The following TIAM1 variants were observed in gnomAD, a reference collection of about 807,000 sequenced individuals.
TIAM1 encodes the protein TIAM Rac1 associated GEF 1.
In TIAM1, 65 loss-of-function variants were observed where a neutral mutation model predicts 163.5. That is an observed-to-expected ratio of 0.40 (90% CI 0.33 to 0.49). The LOEUF (loss-of-function observed/expected upper bound fraction) is 0.49. Among genes scored for constraint, TIAM1 ranks in the 20% least tolerant of loss-of-function variants. The pLI, the probability that TIAM1 is intolerant of heterozygous loss-of-function variation, is 0.77. For synonymous variants in TIAM1, 833 were observed against 810.1 expected (o/e 1.03, Z -0.48); for missense variants, 1,789 against 2,044.7 (o/e 0.87, Z 2.41).
rs539374997 is a variant in TIAM1 at position 31,307,435 on chromosome 21, C to A, written c.-188-30527G>T. Among the ~76,000 whole-genome samples the A allele has an allele frequency of 7.9e-5, 12 of 152,240 alleles. No individual in the cohort carries two copies. In the South Asian group the frequency reaches 2.3e-3, roughly 29 times the overall value. On this transcript the variant is annotated intron_variant, in intron 2 of 27. Coordinates refer to ENST00000541036, the MANE Select transcript of TIAM1 (RefSeq NM_001353694.2). ...GAGTCCCAGGACACCATCCAGAACA[C>A]GGCCAGAACTAAGGAACCAAATAGG... is the stretch of plus-strand genomic sequence containing the variant.
At chr21:31,343,083 T>C (rs1369361889) in intron 1 of TIAM1, among the ~76,000 whole-genome samples, 2 of 152,220 alleles carry the variant, frequency 1.3e-5, no homozygotes, top group African/African-American at 2.4e-5. Context: ...CACCTTCATT[T>C]CTTCCCCTCA....
In TIAM1 at chr21:31,395,070, T is replaced by C. The variant is rs1364047054; in HGVS notation, c.-368-55648A>G. ...CTGGCCAACACAGTGAAACCCCGTA[T>C]CTACCAAAAATACAAACATTAGCCA... On this transcript the variant is annotated intron_variant, in intron 2 of 28. Transcript: ENST00000286827. This position sits in a 1 kb window ranked among gnomAD's most constrained non-coding sequence, Gnocchi z 7.5. 6.6e-6 allele frequency among the ~76,000 whole-genome samples: 1 copy of C among 151,948 alleles called. No homozygotes were observed. The highest frequency in any genetic ancestry group is 1.5e-5 in the Non-Finnish European group (1 of 67,986).
chr21:31,502,406 G>A (rs1360338277), intron 1 of TIAM1, among the ~76,000 whole-genome samples: 1 of 152,132 alleles, frequency 6.6e-6, no homozygotes, highest in Non-Finnish European at 1.5e-5. Context: ...CCAAGTGGCT[G>A]GGATTACAGG....
chr21:31,254,681 C>T (rs2071994993), intron 4 of TIAM1, among the ~76,000 whole-genome samples: 1 of 151,738 alleles, frequency 6.6e-6, no homozygotes, highest in Admixed American at 6.6e-5. Context: ...GCCTGGGCAA[C>T]AGAGAGAGAG....
chr21:31,523,351 G>C (rs148956401), intron 1 of TIAM1, among the ~76,000 whole-genome samples: 2 of 152,262 alleles, frequency 1.3e-5, no homozygotes, highest in African/African-American at 4.8e-5. Context: ...ACAACACAAT[G>C]ATTTTATATA....
At chr21:31,448,519 T>C (rs1186447047) in intron 2 of TIAM1, among the ~76,000 whole-genome samples, 2 of 151,582 alleles carry the variant, frequency 1.3e-5, no homozygotes, top group African/African-American at 4.9e-5. Flanking sequence ...GGGACGAGAA[T>C]TGCTCGAGCC....
intron 11 of TIAM1, among the ~76,000 whole-genome samples, chr21:31,203,596 T>C (rs563027528): frequency 1.3e-5 from 2 of 152,240 alleles, no homozygotes; most frequent in Non-Finnish European, 2.9e-5. Context: ...CCTTATTTGA[T>C]TCATTGTGCT....
intron 15 of TIAM1, among the ~76,000 whole-genome samples, chr21:31,178,892 C>T (rs2084887405): frequency 6.6e-6 from 1 of 151,682 alleles, no homozygotes; most frequent in Admixed American, 6.6e-5. Context: ...GCTGGGATTA[C>T]AGGCATGTGC....
intron 1 of TIAM1, among the ~76,000 whole-genome samples, chr21:31,468,792 G>A (rs1318156066): frequency 6.6e-6 from 1 of 152,030 alleles, no homozygotes; most frequent in Non-Finnish European, 1.5e-5. Flanking sequence ...AACGAACCTA[G>A]AAGGGCGACG....
intron 1 of TIAM1, among the ~76,000 whole-genome samples, chr21:31,545,907 T>C (rs2048470284): frequency 6.6e-6 from 1 of 152,184 alleles, no homozygotes; most frequent in Non-Finnish European, 1.5e-5. Flanking sequence ...AAGTGTCCAC[T>C]AGTCACACCC....
At chr21:31,337,955 C>T (rs2075898459) in intron 2 of TIAM1, among the ~76,000 whole-genome samples, 1 of 152,084 alleles carries the variant, frequency 6.6e-6, no homozygotes, top group Admixed American at 6.6e-5. Flanking sequence ...TTGGAGGGTG[C>T]CCTTAGGGAC....
intron 15 of TIAM1, among the ~76,000 whole-genome samples, chr21:31,175,456 T>A (rs2084715176): frequency 6.6e-6 from 1 of 152,252 alleles, no homozygotes; most frequent in Non-Finnish European, 1.5e-5. Flanking sequence ...ACTATGATTC[T>A]TATAATTTGC....
chr21:31,427,348 G>C (rs537302589), intron 2 of TIAM1, among the ~76,000 whole-genome samples: 2 of 152,012 alleles, frequency 1.3e-5, no homozygotes, highest in Non-Finnish European at 2.9e-5. Context: ...TTGGCCGGGC[G>C]TGGTGGTGGG....
intron 1 of TIAM1, among the ~76,000 whole-genome samples, chr21:31,498,986 A>AGGGAGGGGAGGGGAG (rs527886350): frequency 1.9e-5 from 2 of 106,308 alleles, no homozygotes; most frequent in East Asian, 3.3e-4. Context: ...AGAGAAGAGA[A>AGGGAGGGGAGGGGAG]GGGAGGGGAG....
intron 1 of TIAM1, among the ~76,000 whole-genome samples, chr21:31,534,493 T>C (rs979533080): frequency 2.6e-5 from 4 of 152,052 alleles, no homozygotes; most frequent in Non-Finnish European, 5.9e-5. Context: ...CTGGCCAACA[T>C]AGTGAAACCC....
At chr21:31,302,326 T>C (rs1240077435) in intron 2 of TIAM1, among the ~76,000 whole-genome samples, 7 of 152,176 alleles carry the variant, frequency 4.6e-5, no homozygotes, top group Non-Finnish European at 8.8e-5. Flanking sequence ...AAATGCAACA[T>C]TTCAACCTTG....
chr21:31,493,343 T>C (rs1289577208), intron 1 of TIAM1, among the ~76,000 whole-genome samples: 1 of 151,886 alleles, frequency 6.6e-6, no homozygotes, highest in East Asian at 1.9e-4. Flanking sequence ...ACACAATCAA[T>C]CAATGATAAA....
At chr21:31,526,742 C>T (rs193156587) in intron 1 of TIAM1, among the ~76,000 whole-genome samples, 1 of 152,222 alleles carries the variant, frequency 6.6e-6, no homozygotes, top group Non-Finnish European at 1.5e-5. Context: ...CCCTATGTCA[C>T]CCAGGCTGGA....
At chr21:31,414,146 C>A (rs942967754) in intron 2 of TIAM1, among the ~76,000 whole-genome samples, 12 of 152,130 alleles carry the variant, frequency 7.9e-5, no homozygotes, top group Non-Finnish European at 1.8e-4. Context: ...TCCAGAGTTG[C>A]GGAGAAAAAT....
Sources: allele counts gnomAD v4.1 joint callset (sites outside exome capture counted in the v4.1 genomes callset), GRCh38; gene constraint gnomAD v4.1.1; non-coding constraint Gnocchi (gnomAD v3.1); transcripts MANE v1.5; gene names NCBI Gene and HGNC (gene_info 2026-07-23, HGNC 2026-07-21).